The following FHIT variants were observed in gnomAD, a reference collection of about 807,000 sequenced individuals.
FHIT encodes bis(5'-adenosyl)-triphosphatase.
In FHIT, 19 loss-of-function variants were observed where a neutral mutation model predicts 17.9. That is an observed-to-expected ratio of 1.06 (90% CI 0.74 to 1.56). FHIT has a LOEUF of 1.56. FHIT is among the 40% of genes most tolerant of loss of function. FHIT has a pLI of 0.00. For synonymous variants in FHIT, 81 were observed against 69.7 expected (o/e 1.16, Z -0.81); for missense variants, 248 against 189.2 (o/e 1.31, Z -1.82).
rs764688423 is a variant in FHIT, at chr3:60,158,322, C to CT, written c.104-144171dup. Among the ~76,000 whole-genome samples the CT allele has an allele frequency of 5.9e-5, 9 of 151,944 alleles. No homozygotes were observed. The East Asian group carries it at 1.4e-3, about 23-fold the overall frequency. ...AACAAGACTATTTCATAATTTCTCTCTCTTTTTTTTTTTTGAGACAGAATC... is the reference window on the plus strand; with the variant it reads ...AACAAGACTATTTCATAATTTCTCTCTTCTTTTTTTTTTTTGAGACAGAATC... On this transcript the variant is annotated intron_variant, in intron 5 of 9. Transcript: ENST00000492590.
chr3:60,194,832 A>G (rs2107476453), intron 5 of FHIT, among the ~76,000 whole-genome samples: 1 of 152,280 alleles, frequency 6.6e-6, no homozygotes, highest in East Asian at 1.9e-4. Context: ...ACATGAAAAA[A>G]ATGCTCAACA....
chr3:60,702,443 C>T (rs2041270700), intron 4 of FHIT, among the ~76,000 whole-genome samples: 2 of 151,752 alleles, frequency 1.3e-5, no homozygotes, highest in Admixed American at 6.6e-5. Flanking sequence ...AGTTTTATCT[C>T]CATAACATTT....
intron 7 of FHIT, among the ~76,000 whole-genome samples, chr3:59,969,064 G>A (rs911228665): frequency 3.3e-5 from 5 of 152,124 alleles, no homozygotes; most frequent in Admixed American, 1.3e-4. Context: ...AGAAATCCAT[G>A]TTTCGTTCAT....
chr3:60,131,999 C>T (rs1208897361), intron 5 of FHIT, among the ~76,000 whole-genome samples: 1 of 152,126 alleles, frequency 6.6e-6, no homozygotes, highest in African/African-American at 2.4e-5. Flanking sequence ...ACAGACTGAG[C>T]TTAGCTTTCT....
At chr3:60,707,303 T>C (rs1306478463) in intron 4 of FHIT, among the ~76,000 whole-genome samples, 1 of 152,204 alleles carries the variant, frequency 6.6e-6, no homozygotes, top group Admixed American at 6.5e-5. Flanking sequence ...TATAACTTTA[T>C]AATGGCAAAG....
chr3:60,179,268 C>G (rs186008598), intron 5 of FHIT, among the ~76,000 whole-genome samples: 5 of 152,204 alleles, frequency 3.3e-5, no homozygotes, highest in Non-Finnish European at 7.3e-5. Flanking sequence ...ACACAGCCCA[C>G]TCACGGTCCC....
At chr3:60,834,599 C>T (rs1702461214) in intron 3 of FHIT, among the ~76,000 whole-genome samples, 1 of 151,968 alleles carries the variant, frequency 6.6e-6, no homozygotes, top group African/African-American at 2.4e-5. Context: ...TGGCTCACAC[C>T]TGTAATACCA....
intron 7 of FHIT, among the ~76,000 whole-genome samples, chr3:59,970,145 G>T (rs909549653): frequency 6.6e-6 from 1 of 152,012 alleles, no homozygotes; most frequent in Non-Finnish European, 1.5e-5. Context: ...AAAAAGGATG[G>T]TCTTTATGAA....
intron 5 of FHIT, among the ~76,000 whole-genome samples, chr3:60,521,816 C>T (rs2035378090): frequency 6.6e-6 from 1 of 152,086 alleles, no homozygotes; most frequent in South Asian, 2.1e-4. Context: ...TGTTTTGTAC[C>T]CAAAGACAGT....
At chr3:60,824,774 T>G (rs1702055204) in intron 3 of FHIT, among the ~76,000 whole-genome samples, 1 of 152,174 alleles carries the variant, frequency 6.6e-6, no homozygotes, top group Non-Finnish European at 1.5e-5. Flanking sequence ...TGGGAGTCTC[T>G]CTGCACAAGC....
intron 7 of FHIT, among the ~76,000 whole-genome samples, chr3:59,952,760 G>C (rs960893003): frequency 6.6e-6 from 1 of 152,166 alleles, no homozygotes; most frequent in African/African-American, 2.4e-5. Flanking sequence ...TTCTGCATTT[G>C]AACACAAGTT....
intron 4 of FHIT, among the ~76,000 whole-genome samples, chr3:60,636,790 A>G (rs2039598658): frequency 6.6e-6 from 1 of 152,166 alleles, no homozygotes. Flanking sequence ...TAGCTGTTGG[A>G]CACGGAGAAG....
intron 5 of FHIT, among the ~76,000 whole-genome samples, chr3:60,029,897 C>CTGTGTGTGTGTGTGTG (rs71089569): frequency 3.9e-5 from 5 of 127,902 alleles, no homozygotes; most frequent in South Asian, 2.7e-4. Context: ...GTGTGTGTGT[C>CTGTGTGTGTGTGTGTG]TGTGTGTGTG....
chr3:60,977,604 G>A (rs546378075), intron 3 of FHIT, among the ~76,000 whole-genome samples: 5 of 152,286 alleles, frequency 3.3e-5, no homozygotes, highest in Non-Finnish European at 5.9e-5. Flanking sequence ...GGGTGCGGTG[G>A]TTCACGCCTG....
intron 5 of FHIT, among the ~76,000 whole-genome samples, chr3:60,296,019 T>C (rs1308595046): frequency 6.6e-6 from 1 of 152,122 alleles, no homozygotes; most frequent in Non-Finnish European, 1.5e-5. Flanking sequence ...CTGATGGTTT[T>C]ATAAGGAGTT....
chr3:60,416,858 G>C (rs577192546), intron 5 of FHIT, among the ~76,000 whole-genome samples: 2 of 152,048 alleles, frequency 1.3e-5, no homozygotes, highest in African/African-American at 2.4e-5. Context: ...AGGCCGAGGC[G>C]GGAGGATCAC....
chr3:60,551,721 G>A (rs1398798486), intron 4 of FHIT, among the ~76,000 whole-genome samples: 1 of 149,076 alleles, frequency 6.7e-6, no homozygotes, highest in African/African-American at 2.5e-5. Context: ...TCATGCCCCT[G>A]CACTCTAGCC....
At chr3:60,431,046 T>C (rs1466786804) in intron 5 of FHIT, among the ~76,000 whole-genome samples, 3 of 152,042 alleles carry the variant, frequency 2.0e-5, no homozygotes, top group Middle Eastern at 3.2e-3. Flanking sequence ...ACCCTGTCTC[T>C]ACTAAAAATA....
At chr3:61,049,512 TG>T (rs1023282512) in intron 2 of FHIT, among the ~76,000 whole-genome samples, 25 of 152,120 alleles carry the variant, frequency 1.6e-4, no homozygotes, top group African/African-American at 5.8e-4. Flanking sequence ...ATAGGGAACT[TG>T]GTAACAGAAC....
Sources: gnomAD v4.1 joint callset for allele counts (sites outside exome capture counted in the v4.1 genomes callset) on GRCh38, gnomAD v4.1.1 for gene constraint, MANE v1.5 for transcripts, NCBI Gene and HGNC (gene_info 2026-07-23, HGNC 2026-07-21) for gene names.